SMC2: variants seen among roughly 807,000 people sequenced by gnomAD.
The protein encoded by SMC2 is structural maintenance of chromosomes protein 2.
Under a neutral mutation model 142.6 loss-of-function variants are expected in SMC2, and 41 were observed. That is an observed-to-expected ratio of 0.29 (90% CI 0.22 to 0.37). The LOEUF is 0.37. Among genes scored for constraint, SMC2 ranks in the 10% least tolerant of loss-of-function variants. The pLI, the probability that SMC2 is intolerant of heterozygous loss-of-function variation, is 1.00. For synonymous variants in SMC2, 463 were observed against 457.5 expected, an observed-to-expected ratio of 1.01 and a Z score of -0.15; for missense variants, 1,265 against 1,373.7, an observed-to-expected ratio of 0.92 and a Z score of 1.25.
Position 104,102,414 on chromosome 9 carries a change from T to G in SMC2, c.871-10T>G. 6.3e-7 allele frequency: 1 copy of G among 1,587,770 alleles called. No homozygotes were observed. The highest frequency in any genetic ancestry group is 8.5e-7 in the Non-Finnish European group (1 of 1,170,162). On this transcript the variant is annotated splice_polypyrimidine_tract_variant and intron_variant, in intron 8 of 24. Coordinates refer to ENST00000374793, the MANE Select transcript of SMC2 (RefSeq NM_006444.3). Reference sequence around the variant, plus strand: ...ACATAAGTGATTGAATTGACTGCATTTTGTTATAGGAAACTGGAGGTATAC... The same window carrying G: ...ACATAAGTGATTGAATTGACTGCATGTTGTTATAGGAAACTGGAGGTATAC...
chr9:104,098,680 T>C, intron 4 of SMC2, 112 bp downstream of exon 4: 1 of 1,073,418 alleles, frequency 9.3e-7, no homozygotes, highest in Non-Finnish European at 1.3e-6. Context: ...TTTTATTTAC[T>C]ATTGTGCTGT....
chr9:104,098,086 A>G (rs750396288), intron 3 of SMC2, among the ~76,000 whole-genome samples: 2 of 152,230 alleles, frequency 1.3e-5, no homozygotes, highest in Non-Finnish European at 2.9e-5. Context: ...ATTCCTGTTG[A>G]AAAGTAGAGA....
At chr9:104,099,863 T>C (rs550767608) in intron 5 of SMC2, among the ~76,000 whole-genome samples, 181 bp downstream of exon 5, 3 of 152,226 alleles carry the variant, frequency 2.0e-5, no homozygotes, top group African/African-American at 7.2e-5. Flanking sequence ...TGATTTTGAT[T>C]GTATAAAGGA....
chr9:104,122,983 C>T, intron 16 of SMC2, 125 bp from the exon 17 acceptor site: 1 of 916,264 alleles, frequency 1.1e-6, no homozygotes, highest in Non-Finnish European at 1.5e-6. Context: ...TTCCTGTAAC[C>T]AGTAGCATCT....
At chr9:104,134,796 A>ATTTTCAAATATT (rs1835359044) in intron 23 of SMC2, among the ~76,000 whole-genome samples, 1 of 152,132 alleles carries the variant, frequency 6.6e-6, no homozygotes, top group Non-Finnish European at 1.5e-5. Context: ...TAAAAAATCT[A>ATTTTCAAATATT]TTTTCAAATA....
upstream of SMC2, among the ~76,000 whole-genome samples, chr9:104,093,556 C>T (rs539565414): frequency 5.1e-4 from 77 of 152,080 alleles, no homozygotes; most frequent in African/African-American, 1.8e-3. Flanking sequence ...AACTCAATAA[C>T]ATGAACTGTC....
At chr9:104,137,650 T>G (rs932372275) in intron 23 of SMC2, among the ~76,000 whole-genome samples, 3 of 123,044 alleles carry the variant, frequency 2.4e-5, no homozygotes, top group Non-Finnish European at 3.4e-5. Context: ...GTTATTGTCT[T>G]AAATAATGAC....
chr9:104,103,158 C>T (rs1027549263), intron 9 of SMC2, among the ~76,000 whole-genome samples: 3 of 151,962 alleles, frequency 2.0e-5, no homozygotes, highest in African/African-American at 7.3e-5. Context: ...ATACTTTCAA[C>T]GTTTGAATGT....
chr9:104,125,086 A>G lies in SMC2; in HGVS notation c.2432A>G (p.Lys811Arg), dbSNP rs1405072467. 1 of 1,574,434 alleles carries G rather than the reference A, an allele frequency of 6.4e-7. No homozygotes were observed. The highest frequency in any genetic ancestry group is 1.2e-5 in the South Asian group (1 of 83,304). Residue 811 changes from lysine to arginine, a missense_variant, in exon 18 of 25, where the codon AAG becomes AGG. By Grantham distance (26) the Lys-to-Arg change is conservative (BLOSUM62 2). This residue lies in a region of SMC2 where 898 missense variants were observed against 904.2 expected (regional missense o/e 0.99). Coordinates refer to ENST00000374793, the MANE Select transcript of SMC2 (RefSeq NM_006444.3). ...ACAAAGGCAGATGCATCTAGCAAGA[A>G]GATGAAAGAAAAACAACAGGTAATA... is the stretch of plus-strand genomic sequence containing the variant. ...AKTKADASSK[K>R]MKEKQQEVEA...
intron 9 of SMC2, among the ~76,000 whole-genome samples, chr9:104,109,666 A>G (rs987896841): frequency 1.3e-5 from 2 of 152,204 alleles, no homozygotes; most frequent in African/African-American, 4.8e-5. Flanking sequence ...ATTTTTCTCA[A>G]TAAATATATT....
upstream of SMC2, among the ~76,000 whole-genome samples, chr9:104,093,384 T>C (rs1401805633): frequency 1.3e-5 from 2 of 152,074 alleles, no homozygotes; most frequent in African/African-American, 2.4e-5. Flanking sequence ...GCATGCAATC[T>C]GGAGCTAGAC....
chr9:104,137,286 A>G (rs560592457), intron 23 of SMC2, among the ~76,000 whole-genome samples: 4 of 152,270 alleles, frequency 2.6e-5, no homozygotes, highest in African/African-American at 4.8e-5. Flanking sequence ...CATATTTTAT[A>G]TTAAAATAAG....
At position 104,126,772 on chromosome 9, in the gene SMC2, G is replaced by A. The variant is rs751685279; in HGVS notation, c.2583G>A (p.Val861=). The change falls in exon 19 of 25, where the codon GTG becomes GTA. Residue 861 remains valine, a synonymous_variant. Coordinates refer to ENST00000374793, the MANE Select transcript of SMC2 (RefSeq NM_006444.3). ...AGATTGAAGTAATGGCAGCTGAGGT[G>A]GCTAAAAATAAGGTAGGATTTATTT... The part of the protein sequence containing the change: ...ESQIEVMAAE[V]AKNKESVNKA... 33 of 1,592,238 alleles carry A rather than the reference G, an allele frequency of 2.1e-5. No individual in the cohort carries two copies. The South Asian group carries it at 3.2e-4, about 15-fold the overall frequency.
intron 10 of SMC2, 112 bp from the exon 11 acceptor site, chr9:104,113,203 TA>T: frequency 1.4e-6 from 1 of 691,760 alleles, no homozygotes; most frequent in South Asian, 3.7e-5. Context: ...ACCAAACAAT[TA>T]AACTTTGAAG....
rs138414562 is a variant in SMC2 at position 104,139,049 on chromosome 9, T to C, written c.3418-90T>C. On this transcript the variant is annotated intron_variant, in intron 24 of 24. Transcript: ENST00000374793. ...ATAACTATTTAAAGAAATAAAATTA[T>C]CTCCAAACCATTCTTATCACCAGTA... The C allele has an allele frequency of 5.4e-6, 4 of 737,588 alleles. No homozygotes were observed. The East Asian group carries it at 1.3e-4, about 24-fold the overall frequency. 45.7% of individuals were successfully genotyped at this position (737,588 alleles called of 1,614,324 possible).
intron 15 of SMC2, 31 bp from the exon 16 acceptor site, chr9:104,119,996 T>A: frequency 1.2e-6 from 2 of 1,611,698 alleles, no homozygotes; most frequent in East Asian, 4.5e-5. Context: ...GGTAACAATG[T>A]GGAAGACCTG....
Position 104,129,785 on chromosome 9 carries a change from G to T in SMC2, c.2931G>T (p.Glu977Asp), listed in dbSNP as rs765052047. Residue 977 changes from glutamate (E) to aspartate (D), a missense_variant, in exon 21 of 25, where the codon GAG becomes GAT. Glu to Asp is a conservative substitution (Grantham distance 45). This residue lies in a region of SMC2 where 192 missense variants were observed against 261.9 expected (regional missense o/e 0.73). Coordinates refer to ENST00000374793, the MANE Select transcript of SMC2 (RefSeq NM_006444.3). ...QRLQKLQEMK[E>D]KLGRNVNMRA... The stretch of plus-strand genomic sequence containing the variant: ...TTCAGAAGTTGCAAGAAATGAAGGA[G>T]AAACTAGGAAGAAATGTCAATATGA... 1 of 1,613,936 alleles carries T rather than the reference G, an allele frequency of 6.2e-7. No homozygotes were observed.
At chr9:104,126,974 C>A (rs1475148754) in intron 19 of SMC2, among the ~76,000 whole-genome samples, 190 bp downstream of exon 19, 1 of 152,080 alleles carries the variant, frequency 6.6e-6, no homozygotes, top group Non-Finnish European at 1.5e-5. Context: ...TTCTAGCAGT[C>A]CCTCTTCTTC....
At position 104,106,812 on chromosome 9, in the gene SMC2, G is replaced by C. The variant is rs148527446; in HGVS notation, c.1020+4239G>C. On this transcript the variant is annotated intron_variant, in intron 9 of 24. Transcript: ENST00000374793. The stretch of plus-strand genomic sequence containing the variant: ...ATGTAGCAAGATATGGTGATGGGGT[G>C]GACCAAATGGACATCACCACTGCAT... Among the ~76,000 whole-genome samples, 87 of 152,284 alleles carry C rather than the reference G, an allele frequency of 5.7e-4. 1 individual carries two copies. Among genetic ancestry groups the C allele is most frequent in the African/African-American group, 2.1e-3 (86 of 41,572 alleles).
Sources: gnomAD v4.1 joint callset for allele counts (sites outside exome capture counted in the v4.1 genomes callset) on GRCh38, gnomAD v4.1.1 for gene constraint, gnomAD v4.1.1 regional missense constraint, MANE v1.5 for transcripts, NCBI Gene and HGNC (gene_info 2026-07-23, HGNC 2026-07-21) for gene names.